DSCAM: variants seen among roughly 807,000 people sequenced by gnomAD.
DSCAM encodes DS cell adhesion molecule.
A neutral mutation model predicts 217.7 loss-of-function variants in DSCAM; 47 were observed. The observed-to-expected ratio is 0.22, with a 90% CI of 0.17 to 0.28. The LOEUF (loss-of-function observed/expected upper bound fraction) is 0.28, where lower values mean the gene tolerates loss of function less well. DSCAM is among the 10% of genes least tolerant of loss of function. The pLI is 1.00. For synonymous variants in DSCAM, 1,056 were observed against 1,015.3 expected (o/e 1.04, Z -0.76); for missense variants, 2,080 against 2,618.3 (o/e 0.79, Z 4.49).
chr21:40,675,848 C>T (rs2090331913), intron 3 of DSCAM, among the ~76,000 whole-genome samples: 1 of 152,160 alleles, frequency 6.6e-6, no homozygotes, highest in East Asian at 1.9e-4. Context: ...TTAACTAACC[C>T]TTCAAAAGAG....
intron 11 of DSCAM, among the ~76,000 whole-genome samples, chr21:40,227,346 C>T (rs440649): frequency 0.97 from 147,858 of 152,280 alleles, 71,855 homozygotes; most frequent in Middle Eastern, 0.99. Context: ...CAGCTGCCAC[C>T]TTCCTGAAGA....
chr21:40,542,564 T>G (rs1273625139), intron 3 of DSCAM, among the ~76,000 whole-genome samples: 1 of 152,218 alleles, frequency 6.6e-6, no homozygotes, highest in Non-Finnish European at 1.5e-5. Context: ...AGTTAGCTTA[T>G]TCTTCAGCTC....
intron 3 of DSCAM, among the ~76,000 whole-genome samples, chr21:40,558,527 A>T (rs2076690997): frequency 6.6e-6 from 1 of 152,196 alleles, no homozygotes; most frequent in East Asian, 1.9e-4. Context: ...CATCTATAGA[A>T]TGAGAGAGTG....
chr21:40,517,345 CAT>C (rs760383373), intron 3 of DSCAM, among the ~76,000 whole-genome samples: 15 of 149,384 alleles, frequency 1.0e-4, no homozygotes, highest in East Asian at 4.0e-4. Context: ...TCTGTATATA[CAT>C]ATATATATAC....
chr21:40,497,808 A>T (rs1161190652), intron 3 of DSCAM, among the ~76,000 whole-genome samples: 1 of 152,270 alleles, frequency 6.6e-6, no homozygotes, highest in African/African-American at 2.4e-5. Flanking sequence ...CATAAAGATC[A>T]GCTTGCATAC....
chr21:40,145,483 T>C (rs1440963679), intron 16 of DSCAM, among the ~76,000 whole-genome samples: 2 of 152,138 alleles, frequency 1.3e-5, no homozygotes, highest in Non-Finnish European at 2.9e-5. Context: ...GATGTGAAGA[T>C]GGTCCACCAG....
At chr21:40,081,216 T>C (rs953119562) in intron 24 of DSCAM, among the ~76,000 whole-genome samples, 2 of 152,182 alleles carry the variant, frequency 1.3e-5, no homozygotes, top group African/African-American at 4.8e-5. Flanking sequence ...TGCAGCCATG[T>C]TCCTTCTCCA....
chr21:40,543,936 G>A (rs1310804027), intron 3 of DSCAM, among the ~76,000 whole-genome samples: 2 of 152,040 alleles, frequency 1.3e-5, no homozygotes, highest in African/African-American at 4.8e-5. Context: ...ACCTACCCAA[G>A]GGGAACACTT....
At chr21:40,112,675 C>T (rs1747577317) in intron 20 of DSCAM, among the ~76,000 whole-genome samples, 2 of 152,070 alleles carry the variant, frequency 1.3e-5, no homozygotes, top group South Asian at 4.2e-4. Flanking sequence ...GCTAGCAAGA[C>T]TAATAAAGAA....
chr21:40,552,375 G>A (rs2076637602), intron 3 of DSCAM, among the ~76,000 whole-genome samples: 1 of 152,120 alleles, frequency 6.6e-6, no homozygotes, highest in African/African-American at 2.4e-5. Flanking sequence ...AGATTCCTTG[G>A]GTTCACAGAG....
In DSCAM at chr21:40,297,944, G is replaced by C. The variant is rs188050616; in HGVS notation, c.2063-1770C>G. 3.9e-4 allele frequency among the ~76,000 whole-genome samples: 59 copies of C among 152,244 alleles called. No individual in the cohort carries two copies. The East Asian group carries it at 5.0e-3, about 13-fold the overall frequency. ...TCTCAATTTACTTATCTGAAAATTG[G>C]AGATGATTATGGAACTCATTTTAAG... On this transcript the variant is annotated intron_variant, in intron 9 of 32. Coordinates refer to ENST00000400454, the MANE Select transcript of DSCAM (RefSeq NM_001389.5).
rs371706239 is a variant in DSCAM, at chr21:40,263,640, C to T, written c.2356+12457G>A. Among the ~76,000 whole-genome samples the T allele has an allele frequency of 4.1e-4, 63 of 152,130 alleles. 1 individual carries two copies. The South Asian group carries it at 8.7e-3, about 21-fold the overall frequency. On this transcript the variant is annotated intron_variant, in intron 11 of 32. Coordinates refer to ENST00000400454, the MANE Select transcript of DSCAM (RefSeq NM_001389.5). ...ATCAGAAGTTGACAACCTAACATCA[C>T]ATTTCAAGGAATGAAACAAGAACAA...
chr21:40,602,053 C>CTTTTTTTTTTTTTTTT (rs761687929), intron 3 of DSCAM, among the ~76,000 whole-genome samples: 1 of 89,496 alleles, frequency 1.1e-5, no homozygotes, highest in African/African-American at 4.9e-5. Flanking sequence ...TCTGCTTCTA[C>CTTTTTTTTTTTTTTTT]TTTTTTTTTT....
At chr21:40,840,807 T>C (rs2092094964) in intron 1 of DSCAM, among the ~76,000 whole-genome samples, 1 of 151,528 alleles carries the variant, frequency 6.6e-6, no homozygotes, top group Admixed American at 6.6e-5. Context: ...GAAAGCAAAC[T>C]AAGAGGGGGA....
At chr21:40,652,833 G>T (rs1430715439) in intron 3 of DSCAM, among the ~76,000 whole-genome samples, 1 of 152,218 alleles carries the variant, frequency 6.6e-6, no homozygotes, top group Non-Finnish European at 1.5e-5. Context: ...TATGACGAGT[G>T]TCTGTTTTTA....
intron 16 of DSCAM, among the ~76,000 whole-genome samples, chr21:40,155,429 G>A (rs1484189373): frequency 3.9e-5 from 6 of 152,290 alleles, no homozygotes; most frequent in Non-Finnish European, 5.9e-5. Context: ...CACCACACAC[G>A]CCTGGAGGGC....
chr21:40,662,371 C>T (rs1449795018), intron 3 of DSCAM, among the ~76,000 whole-genome samples: 1 of 152,024 alleles, frequency 6.6e-6, no homozygotes. Flanking sequence ...AGCATGAGTT[C>T]CGTGCTTTAT....
chr21:40,815,757 G>T (rs996212233), intron 1 of DSCAM, among the ~76,000 whole-genome samples: 3 of 152,192 alleles, frequency 2.0e-5, no homozygotes, highest in African/African-American at 7.2e-5. Context: ...CCTGAAGTCA[G>T]GTGATCTGCA....
At chr21:40,727,702 A>T (rs931186654) in intron 1 of DSCAM, among the ~76,000 whole-genome samples, 4 of 151,350 alleles carry the variant, frequency 2.6e-5, no homozygotes, top group African/African-American at 9.7e-5. Context: ...CTACACACAC[A>T]CTCTCATCCA....
Sources: gnomAD v4.1 joint callset for allele counts (sites outside exome capture counted in the v4.1 genomes callset) on GRCh38, gnomAD v4.1.1 for gene constraint, MANE v1.5 for transcripts, NCBI Gene and HGNC (gene_info 2026-07-23, HGNC 2026-07-21) for gene names.